The following PCM1 variants were observed in gnomAD, a reference collection of about 807,000 sequenced individuals.
PCM1 encodes pericentriolar material 1 protein.
PCM1 carries 157 observed loss-of-function variants against 241.9 expected under a neutral mutation model. The ratio of observed to expected loss-of-function variants is 0.65; its 90% CI spans 0.57 to 0.74. The LOEUF is 0.74. PCM1 is among the 30% of genes least tolerant of loss of function. PCM1 has a pLI of 0.00. For synonymous variants in PCM1, 1,085 were observed against 784.9 expected, an observed-to-expected ratio of 1.38 and a Z score of -6.39; for missense variants, 3,478 against 2,360.1, an observed-to-expected ratio of 1.47 and a Z score of -9.81.
At chr8:17,986,478 TAAAAA>T (rs59505499) in intron 26 of PCM1, among the ~76,000 whole-genome samples, 102 of 121,558 alleles carry the variant, frequency 8.4e-4, no homozygotes, top group African/African-American at 2.8e-3. Flanking sequence ...GTCTTTGGGT[TAAAAA>T]AAAAAAAAAA....
chr8:17,964,877 A>T, intron 18 of PCM1, 109 bp downstream of exon 18: 1 of 783,448 alleles, frequency 1.3e-6, no homozygotes, highest in South Asian at 1.7e-5. Context: ...CCTACAACTC[A>T]ATTCAATTTT....
At chr8:18,022,870 A>G (rs2093870337) in intron 36 of PCM1, among the ~76,000 whole-genome samples, 1 of 152,196 alleles carries the variant, frequency 6.6e-6, no homozygotes, top group African/African-American at 2.4e-5. Flanking sequence ...CAAATGGAAT[A>G]CCCCTGTAGT....
At position 17,960,096 on chromosome 8, in the gene PCM1, A is replaced by T. The variant is rs1586871932; in HGVS notation, c.2123A>T (p.Gln708Leu). 1 of 1,608,568 alleles carries T rather than the reference A, an allele frequency of 6.2e-7. No individual in the cohort carries two copies. Among genetic ancestry groups the T allele is most frequent in the East Asian group, 2.2e-5 (1 of 44,786 alleles). The change falls in exon 14 of 39, where the codon CAA becomes CTA. Residue 708 changes from glutamine to leucine, a missense_variant. Transcript: ENST00000325083. ...TACCCAGCAGAAGAAGACACCAAGC[A>T]AAATTCAAATAACACTAGAGGAAAT... ...DFYPAEEDTKQNSNNTRGNAN... is the reference protein window; with the variant it reads ...DFYPAEEDTKLNSNNTRGNAN...
intron 21 of PCM1, among the ~76,000 whole-genome samples, chr8:17,968,762 G>GTGTGTGTACA (rs373502456): frequency 7.3e-6 from 1 of 136,734 alleles, no homozygotes; most frequent in South Asian, 2.3e-4. Flanking sequence ...GTGTGTGTGT[G>GTGTGTGTACA]TATATATATA....
chr8:18,016,416 G>A (rs1358669120), intron 36 of PCM1, among the ~76,000 whole-genome samples: 2 of 126,416 alleles, frequency 1.6e-5, no homozygotes, highest in East Asian at 2.3e-4. Context: ...CTGGAGAAAT[G>A]GTTACACTTT....
At chr8:17,950,869 A>T in intron 8 of PCM1, 145 bp downstream of exon 8, 1 of 624,198 alleles carries the variant, frequency 1.6e-6, no homozygotes, top group Non-Finnish European at 2.8e-6. Flanking sequence ...CCCCACCTTC[A>T]AAATTACGAT....
At position 18,028,664 on chromosome 8, in the gene PCM1, G is replaced by GC. The variant is rs902950936; in HGVS notation, c.*1002_*1003insC. 2.3e-4 allele frequency: 37 copies of GC among 163,362 alleles called. 1 individual carries two copies. The Admixed American group carries it at 2.4e-3, about 11-fold the overall frequency. The allele number at this position is 163,362 out of a possible 1,614,324, so 10.1% of individuals were successfully genotyped here. A position where few individuals can be genotyped will look rare whatever the true frequency, so the allele number is the denominator to read the frequency against. On this transcript the variant is annotated 3_prime_UTR_variant, in exon 39 of 39. Transcript: ENST00000325083. ...TTAAGTCAGCTTTTGAAAAGTGATT[G>GC]ATTTGCTTTTTATCCCAAACTGTCC...
intron 29 of PCM1, among the ~76,000 whole-genome samples, chr8:18,000,516 A>C (rs2088921803): frequency 6.6e-6 from 1 of 152,050 alleles, no homozygotes; most frequent in Non-Finnish European, 1.5e-5. Context: ...AGGTCCTACT[A>C]ATGGGTAGAG....
At chr8:17,949,715 T>A (rs1002940693) in intron 7 of PCM1, among the ~76,000 whole-genome samples, 1 of 152,168 alleles carries the variant, frequency 6.6e-6, no homozygotes, top group Non-Finnish European at 1.5e-5. Context: ...CAGGCTGGTC[T>A]TGAACTCCTG....
At position 18,025,431 on chromosome 8, in the gene PCM1, T is replaced by G; in HGVS notation, c.5912T>G (p.Leu1971Arg). 1 of 1,597,650 alleles carries G rather than the reference T, an allele frequency of 6.3e-7. No individual in the cohort carries two copies. Among genetic ancestry groups the G allele is most frequent in the Non-Finnish European group, 8.6e-7 (1 of 1,167,394 alleles). Reference sequence around the variant, plus strand: ...TTTGTAAAAGTTGAAGATTTACCACTGAAACTGACAATATATTCAGAGGTA... The same window carrying G: ...TTTGTAAAAGTTGAAGATTTACCACGGAAACTGACAATATATTCAGAGGTA... ...EDFVKVEDLPLKLTIYSEADL... is the reference protein window; with the variant it reads ...EDFVKVEDLPRKLTIYSEADL... The change falls in exon 37 of 39, where the codon CTG becomes CGG. Residue 1971 changes from leucine to arginine, a missense_variant. By Grantham distance (102) the Leu-to-Arg change is moderately radical. Transcript: ENST00000325083.
chr8:17,983,442 T>A (rs1294218880), intron 24 of PCM1, among the ~76,000 whole-genome samples: 2 of 152,160 alleles, frequency 1.3e-5, no homozygotes, highest in East Asian at 3.8e-4. Flanking sequence ...ATTCATAAAA[T>A]TCTGAACCCA....
At chr8:17,970,426 C>G (rs955969830) in intron 22 of PCM1, among the ~76,000 whole-genome samples, 2 of 144,338 alleles carry the variant, frequency 1.4e-5, no homozygotes, top group African/African-American at 2.7e-5. Context: ...GAGTCATTAA[C>G]TGGGATTTTT....
rs1214535237 is a variant in PCM1, at chr8:17,965,104, C to T, written c.2855+336C>T. ...ACAGGAAAAGACTTACTTACGTTTC[C>T]TCATTTCTTATAAAGGATTCTGAAC... On this transcript the variant is annotated intron_variant, in intron 18 of 38. Transcript: ENST00000325083. Among the ~76,000 whole-genome samples, 9 of 152,156 alleles carry T rather than the reference C, an allele frequency of 5.9e-5. 1 individual carries two copies. The highest frequency in any genetic ancestry group is 5.9e-4 in the Admixed American group (9 of 15,280).
chr8:17,942,146 C>A (rs750165283), intron 6 of PCM1, among the ~76,000 whole-genome samples: 1 of 151,970 alleles, frequency 6.6e-6, no homozygotes, highest in Non-Finnish European at 1.5e-5. Context: ...AAACCTTGAC[C>A]ATCAGTCAGT....
chr8:17,940,118 C>A (rs558366330), intron 6 of PCM1: 1 of 1,570,216 alleles, frequency 6.4e-7, no homozygotes, highest in Non-Finnish European at 8.6e-7. Flanking sequence ...GAGAGCACAT[C>A]GCTAAACATA....
chr8:17,962,227 T>G (rs1035296275), intron 16 of PCM1, 53 bp downstream of exon 16: 14 of 1,489,666 alleles, frequency 9.4e-6, no homozygotes, highest in Admixed American at 2.1e-5. Context: ...TTTTCCTTTT[T>G]TTTTCTTCAA....
intron 35 of PCM1, 29 bp from the exon 36 acceptor site, chr8:18,014,555 C>T (rs1564395166): frequency 1.9e-6 from 3 of 1,555,784 alleles, no homozygotes; most frequent in Middle Eastern, 1.7e-4. Flanking sequence ...TTGCATTACA[C>T]TAATGTTAAG....
intron 34 of PCM1, among the ~76,000 whole-genome samples, chr8:18,012,883 G>GA (rs2092698647): frequency 6.6e-6 from 1 of 151,964 alleles, no homozygotes; most frequent in Non-Finnish European, 1.5e-5. Flanking sequence ...TTTAACTTCT[G>GA]AACACTTTCT....
Position 17,972,545 on chromosome 8 carries a change from A to T in PCM1, c.3801A>T (p.Pro1267=). The change falls in exon 23 of 39, where the codon CCA becomes CCT. Residue 1267 remains proline (P), a synonymous_variant. Coordinates refer to ENST00000325083, the MANE Select transcript of PCM1 (RefSeq NM_006197.4). The part of the protein sequence containing the change: ...SLESFSSMPD[P]VDPTTVTKTF... ...AAAGCTTTAGCAGTATGCCTGATCC[A>T]GTAGATCCAACAACAGTGACTAAAA... 6.2e-7 allele frequency: 1 copy of T among 1,613,888 alleles called. No homozygotes were observed.
Sources: allele counts gnomAD v4.1 joint callset (sites outside exome capture counted in the v4.1 genomes callset), GRCh38; gene constraint gnomAD v4.1.1; transcripts MANE v1.5; gene names NCBI Gene and HGNC (gene_info 2026-07-23, HGNC 2026-07-21).